The following DRC11 variants were observed in gnomAD, a reference collection of about 807,000 sequenced individuals.
The protein encoded by DRC11 is dynein regulatory complex subunit 11.
At chr2:236,427,905 T>C in the DRC11 span, among the ~76,000 whole-genome samples, 4,438 of 152,250 alleles carry the variant, frequency 0.029, 218 homozygotes, top group African/African-American at 0.1. The surrounding 1 kb of genome is among the most constrained non-coding windows in gnomAD (Gnocchi z 5.9). Flanking sequence ...GCTTTTGTTG[T>C]ATCTCATAGG....
chr2:236,394,930 G>A, the DRC11 span, among the ~76,000 whole-genome samples: 112 of 152,360 alleles, frequency 7.4e-4, 3 homozygotes, highest in East Asian at 0.018. The surrounding 1 kb of genome is among the most constrained non-coding windows in gnomAD (Gnocchi z 7.0). Flanking sequence ...CCGTGGTGGC[G>A]CAAGGGCAGT....
At chr2:236,447,748 A>C in the DRC11 span, among the ~76,000 whole-genome samples, 3 of 152,160 alleles carry the variant, frequency 2.0e-5, no homozygotes, top group African/African-American at 4.8e-5. The surrounding 1 kb of genome is among the most constrained non-coding windows in gnomAD (Gnocchi z 4.6). Flanking sequence ...AGTCCAGGTT[A>C]TATTTTTCAT....
the DRC11 span, among the ~76,000 whole-genome samples, chr2:236,309,742 A>C: frequency 1.3e-5 from 2 of 152,146 alleles, no homozygotes; most frequent in Non-Finnish European, 2.9e-5. The surrounding 1 kb of genome is among the most constrained non-coding windows in gnomAD (Gnocchi z 5.7). Context: ...TCTCCACTTG[A>C]GGGCACTGTG....
chr2:236,354,613 C>T, the DRC11 span, among the ~76,000 whole-genome samples: 1 of 152,170 alleles, frequency 6.6e-6, no homozygotes, highest in Admixed American at 6.5e-5. Context: ...GTACCTCCAT[C>T]GCCCCCACCC....
the DRC11 span, among the ~76,000 whole-genome samples, chr2:236,485,993 T>G: frequency 2.0e-5 from 3 of 152,200 alleles, no homozygotes; most frequent in African/African-American, 7.2e-5. Flanking sequence ...CCCTATAACT[T>G]GCTTCTAACC....
At chr2:236,331,225 T>A in the DRC11 span, 23 of 667,404 alleles carry the variant, frequency 3.4e-5, no homozygotes, top group Non-Finnish European at 5.5e-5. This position sits in a 1 kb window ranked among gnomAD's most constrained non-coding sequence, Gnocchi z 4.8. Flanking sequence ...GATTTTGTCA[T>A]CCAAAATTTC....
chr2:236,376,964 C>G, the DRC11 span: 381 of 604,342 alleles, frequency 6.3e-4, 1 homozygote, highest in African/African-American at 6.4e-3. This position sits in a 1 kb window ranked among gnomAD's most constrained non-coding sequence, Gnocchi z 5.7. Flanking sequence ...TTCAATCCAA[C>G]AAACATTTAC....
At chr2:236,507,203 C>T in the DRC11 span, 1 of 1,591,042 alleles carries the variant, frequency 6.3e-7, no homozygotes, top group Admixed American at 1.7e-5. Flanking sequence ...AGCAAGCCAC[C>T]TTCTGGCTTG....
At chr2:236,488,680 TG>T in the DRC11 span, among the ~76,000 whole-genome samples, 1 of 152,224 alleles carries the variant, frequency 6.6e-6, no homozygotes, top group Non-Finnish European at 1.5e-5. Context: ...GAAATCATTT[TG>T]GGGGCATTTA....
chr2:236,365,078 T>C, the DRC11 span, among the ~76,000 whole-genome samples: 2 of 152,096 alleles, frequency 1.3e-5, no homozygotes, highest in East Asian at 1.9e-4. This position sits in a 1 kb window ranked among gnomAD's most constrained non-coding sequence, Gnocchi z 7.4. Flanking sequence ...TTGCCCTGCG[T>C]TGGACACCTG....
the DRC11 span, among the ~76,000 whole-genome samples, chr2:236,347,878 C>T: frequency 1.3e-5 from 2 of 151,686 alleles, no homozygotes; most frequent in East Asian, 3.9e-4. Flanking sequence ...ATCAAAATCT[C>T]AAATCTCAAA....
At chr2:236,393,969 T>C in the DRC11 span, among the ~76,000 whole-genome samples, 3 of 152,202 alleles carry the variant, frequency 2.0e-5, no homozygotes, top group African/African-American at 7.2e-5. The surrounding 1 kb of genome is among the most constrained non-coding windows in gnomAD (Gnocchi z 4.7). Context: ...GATATGGTGA[T>C]GGTAAATGGA....
chr2:236,400,044 C>A, the DRC11 span, among the ~76,000 whole-genome samples: 2 of 152,200 alleles, frequency 1.3e-5, no homozygotes, highest in Non-Finnish European at 2.9e-5. The surrounding 1 kb of genome is among the most constrained non-coding windows in gnomAD (Gnocchi z 7.9). Context: ...GCTCTCACTC[C>A]TTCCTTGCTC....
the DRC11 span, among the ~76,000 whole-genome samples, chr2:236,358,408 TATATATG>T: frequency 9.0e-4 from 127 of 140,344 alleles, no homozygotes; most frequent in Middle Eastern, 3.8e-3. Context: ...CATATATAAA[TATATATG>T]ATATATGAAT....
chr2:236,459,848 T>G, the DRC11 span, among the ~76,000 whole-genome samples: 1 of 151,768 alleles, frequency 6.6e-6, no homozygotes, highest in African/African-American at 2.4e-5. Flanking sequence ...CTTTTAACAT[T>G]GGGAAAAAAA....
chr2:236,438,619 T>C, the DRC11 span, among the ~76,000 whole-genome samples: 1 of 152,114 alleles, frequency 6.6e-6, no homozygotes, highest in Non-Finnish European at 1.5e-5. Context: ...TTTATTTCCT[T>C]GAGCAGTGGT....
the DRC11 span, among the ~76,000 whole-genome samples, chr2:236,418,769 T>C: frequency 6.6e-6 from 1 of 152,276 alleles, no homozygotes; most frequent in Admixed American, 6.5e-5. Context: ...TAAATTAGTA[T>C]GATTATTTTG....
chr2:236,366,312 T>C, the DRC11 span, among the ~76,000 whole-genome samples: 1 of 152,216 alleles, frequency 6.6e-6, no homozygotes, highest in Non-Finnish European at 1.5e-5. Context: ...CAAGGTCCTC[T>C]GCTGAGTGGC....
chr2:236,487,558 A>C, the DRC11 span, among the ~76,000 whole-genome samples: 1 of 152,208 alleles, frequency 6.6e-6, no homozygotes, highest in African/African-American at 2.4e-5. Flanking sequence ...TAAGGAAAGA[A>C]AACCTTACGG....
Sources: gnomAD v4.1 joint callset for allele counts (sites outside exome capture counted in the v4.1 genomes callset) on GRCh38, gnomAD v4.1.1 for gene constraint, Gnocchi (gnomAD v3.1) non-coding constraint, MANE v1.5 for transcripts, NCBI Gene and HGNC (gene_info 2026-07-23, HGNC 2026-07-21) for gene names.